Variants in LRCH1 observed in about 807,000 individuals in gnomAD.
The protein encoded by LRCH1 is leucine rich repeats and calponin homology domain containing 1, also known as leucine-rich repeat and calponin homology domain-containing protein 1.
Under a neutral mutation model 94.9 loss-of-function variants are expected in LRCH1, and 23 were observed. The ratio of observed to expected loss-of-function variants is 0.24; its 90% confidence interval spans 0.17 to 0.34. The LOEUF (loss-of-function observed/expected upper bound fraction) is 0.34. Ranked by LOEUF, LRCH1 falls within the 10% of genes least tolerant of loss-of-function variation. The pLI is 1.00. For missense variants in LRCH1, 790 were observed against 945.9 expected (o/e 0.84, Z 2.16); for synonymous variants, 364 against 354.9 (o/e 1.03, Z -0.29).
chr13:46,685,807 C>A, intron 4 of LRCH1, 98 bp from the exon 5 acceptor site: 1 of 853,146 alleles, frequency 1.2e-6, no homozygotes, highest in Non-Finnish European at 1.7e-6. Flanking sequence ...TTGTATTTTT[C>A]CTGAGAAGCA....
intron 1 of LRCH1, among the ~76,000 whole-genome samples, chr13:46,556,053 T>C (rs946528816): frequency 2.0e-5 from 3 of 152,368 alleles, no homozygotes; most frequent in Non-Finnish European, 2.9e-5. Flanking sequence ...TCTCCTTGAC[T>C]CATATTTACT....
chr13:46,633,683 G>A (rs2051045879), intron 1 of LRCH1, among the ~76,000 whole-genome samples: 1 of 152,036 alleles, frequency 6.6e-6, no homozygotes, highest in Admixed American at 6.6e-5. Context: ...ATCACGTGTG[G>A]TAACTATTTG....
chr13:46,688,237 A>T (rs906491388), intron 6 of LRCH1, among the ~76,000 whole-genome samples: 4 of 152,260 alleles, frequency 2.6e-5, no homozygotes, highest in African/African-American at 7.2e-5. Context: ...CCTAATCAAT[A>T]ATCAGTTCTT....
chr13:46,623,400 G>T (rs2050903610), intron 1 of LRCH1, among the ~76,000 whole-genome samples: 1 of 152,090 alleles, frequency 6.6e-6, no homozygotes, highest in South Asian at 2.1e-4. Flanking sequence ...GATAAGGAAA[G>T]CCACAAATAT....
At chr13:46,727,115 A>C (rs1200542819) in intron 17 of LRCH1, among the ~76,000 whole-genome samples, 2 of 152,236 alleles carry the variant, frequency 1.3e-5, no homozygotes, top group Non-Finnish European at 2.9e-5. Flanking sequence ...ACAACGATGT[A>C]CATGGTCGAA....
At chr13:46,691,167 G>T (rs1317562265) in intron 7 of LRCH1, among the ~76,000 whole-genome samples, 4 of 152,176 alleles carry the variant, frequency 2.6e-5, no homozygotes, top group African/African-American at 9.7e-5. Context: ...TTTTGTGGAG[G>T]TTCCTGATTT....
At position 46,699,746 on chromosome 13, in the gene LRCH1, C is replaced by G. The variant is rs57952089; in HGVS notation, c.1313+343C>G. ...GCTGGGCCTGAAGTGATCTGTAGCG[C>G]TGATCTCCTTCTTTACCCCAAGTCA... is the stretch of plus-strand genomic sequence containing the variant. On this transcript the variant is annotated intron_variant, in intron 10 of 19. Transcript: ENST00000389797. 3.6e-3 allele frequency among the ~76,000 whole-genome samples: 543 copies of G among 152,292 alleles called. 3 individuals carry two copies. The highest frequency in any genetic ancestry group is 0.012 in the African/African-American group (488 of 41,550).
intron 1 of LRCH1, among the ~76,000 whole-genome samples, chr13:46,555,060 G>A (rs756164661): frequency 3.3e-5 from 5 of 152,172 alleles, no homozygotes; most frequent in Admixed American, 6.5e-5. Context: ...TTCACTGGAG[G>A]CAAAGATGGC....
chr13:46,582,577 C>T (rs563008838), intron 1 of LRCH1, among the ~76,000 whole-genome samples: 13 of 148,174 alleles, frequency 8.8e-5, no homozygotes, highest in African/African-American at 1.2e-4. Context: ...CTTGACCTCC[C>T]GGGCTCAGGT....
At chr13:46,618,541 T>C (rs1337894263) in intron 1 of LRCH1, among the ~76,000 whole-genome samples, 3 of 152,204 alleles carry the variant, frequency 2.0e-5, no homozygotes, top group Non-Finnish European at 4.4e-5. Flanking sequence ...CCCTTAATAG[T>C]GGCTGCAAAA....
downstream of LRCH1, among the ~76,000 whole-genome samples, chr13:46,746,881 C>T (rs985341767): frequency 4.6e-5 from 7 of 152,150 alleles, no homozygotes; most frequent in East Asian, 1.9e-4. Context: ...CTTCTTGGGA[C>T]GCCTCCTGGT....
At chr13:46,752,483 T>C (rs1027551208) in exon 19 of LRCH1, 1 of 152,266 alleles carries the variant, frequency 6.6e-6, no homozygotes, top group Non-Finnish European at 1.5e-5. Context: ...TAGCAGTTAT[T>C]TCCTATCAGA....
intron 1 of LRCH1, among the ~76,000 whole-genome samples, chr13:46,634,442 A>G (rs1594302600): frequency 6.6e-6 from 1 of 152,118 alleles, no homozygotes; most frequent in Admixed American, 6.5e-5. Context: ...CTGGCCATCA[A>G]TCCCATGTGC....
At chr13:46,581,830 T>G (rs962493615) in intron 1 of LRCH1, among the ~76,000 whole-genome samples, 1 of 152,248 alleles carries the variant, frequency 6.6e-6, no homozygotes, top group Non-Finnish European at 1.5e-5. Flanking sequence ...GTTTCTTTTT[T>G]TGTCCCCCCA....
intron 1 of LRCH1, among the ~76,000 whole-genome samples, chr13:46,626,749 C>A (rs1376569981): frequency 2.6e-5 from 4 of 152,102 alleles, no homozygotes; most frequent in Admixed American, 2.6e-4. Context: ...TGTTGCTCTT[C>A]TACTTTTAAA....
rs369598629 is a variant in LRCH1 at position 46,728,398 on chromosome 13, T to C, written c.1870-449T>C. Reference sequence around the variant, plus strand: ...GCCTGGGAAATTTTTGTATTTTTAGTAGAGACAGGGTTTCACCATGTTGGC... The same window carrying C: ...GCCTGGGAAATTTTTGTATTTTTAGCAGAGACAGGGTTTCACCATGTTGGC... On this transcript the variant is annotated intron_variant, in intron 17 of 19. Transcript: ENST00000389797. Among the ~76,000 whole-genome samples the C allele has an allele frequency of 3.9e-5, 6 of 151,996 alleles. No homozygotes were observed. In the East Asian group the frequency reaches 9.7e-4, roughly 24 times the overall value.
chr13:46,624,638 G>A (rs1020816521), intron 1 of LRCH1, among the ~76,000 whole-genome samples: 3 of 152,186 alleles, frequency 2.0e-5, no homozygotes, highest in Non-Finnish European at 4.4e-5. Context: ...TTATGAAAAT[G>A]TCCTGAGATG....
rs2050078192 is a variant in LRCH1 at position 46,557,475 on chromosome 13, A to G, written c.307+3772A>G. 3.2e-5 allele frequency among the ~76,000 whole-genome samples: 4 copies of G among 123,338 alleles called. No individual in the cohort carries two copies. In the South Asian group the frequency reaches 1.1e-3, roughly 35 times the overall value. 80.9% of individuals were successfully genotyped at this position (123,338 alleles called of 152,430 possible). On this transcript the variant is annotated intron_variant, in intron 1 of 19. Coordinates refer to ENST00000389797, the MANE Select transcript of LRCH1 (RefSeq NM_001164211.2). ...GTAATCCCAGCACTTTGGGAGGCCT[A>G]GGTGGAAGGACCACTTGACCCCAGG...
intron 1 of LRCH1, 21 bp from the exon 2 acceptor site, chr13:46,650,180 T>C: frequency 6.3e-7 from 1 of 1,575,634 alleles, no homozygotes; most frequent in Non-Finnish European, 8.7e-7. Context: ...GTTGAGAAAA[T>C]ATTCTCTCCT....
Sources: allele counts gnomAD v4.1 joint callset (sites outside exome capture counted in the v4.1 genomes callset), GRCh38; gene constraint gnomAD v4.1.1; transcripts MANE v1.5; gene names NCBI Gene and HGNC (gene_info 2026-07-23, HGNC 2026-07-21).